Variants in ATF3 observed in about 807,000 individuals in gnomAD.
ATF3 encodes cyclic AMP-dependent transcription factor ATF-3.
ATF3 carries 10 observed loss-of-function variants against 18.4 expected under a neutral mutation model. The ratio of observed to expected loss-of-function variants is 0.54; its 90% CI spans 0.34 to 0.92. The LOEUF (loss-of-function observed/expected upper bound fraction) is 0.92. Among genes scored for constraint, ATF3 ranks in the 40% least tolerant of loss-of-function variants. The probability of loss-of-function intolerance (pLI) is 0.02; values close to 1 mark genes in which losing one functional copy is unlikely to be tolerated. For synonymous variants in ATF3, 78 were observed against 87.9 expected, an observed-to-expected ratio of 0.89 and a Z score of 0.63; for missense variants, 183 against 222.3, an observed-to-expected ratio of 0.82 and a Z score of 1.12.
intron 1 of ATF3, among the ~76,000 whole-genome samples, chr1:212,579,201 G>A (rs896187628): frequency 2.0e-5 from 3 of 151,640 alleles, no homozygotes; most frequent in Non-Finnish European, 2.9e-5. Flanking sequence ...TAGTAGAGAC[G>A]GGGTTTCACC....
rs553312800 is a variant in ATF3 at position 212,619,317 on chromosome 1, C to T, written c.349-41C>T. 8.3e-5 allele frequency: 134 copies of T among 1,612,282 alleles called. 1 individual carries two copies. The South Asian group carries it at 1.3e-3, about 15-fold the overall frequency. The stretch of plus-strand genomic sequence containing the variant: ...CCCAGGCCACCCCCTCCTCACTGGC[C>T]CTTGGCTCCTTTCTTGATGCCTCTG... On this transcript the variant is annotated intron_variant, in intron 3 of 3. Coordinates refer to ENST00000341491, the MANE Select transcript of ATF3 (RefSeq NM_001674.4). The surrounding 1 kb of genome is among the most constrained non-coding windows in gnomAD (Gnocchi z 4.4).
intron 1 of ATF3, among the ~76,000 whole-genome samples, chr1:212,609,871 C>T (rs1450371297): frequency 6.6e-6 from 1 of 152,066 alleles, no homozygotes; most frequent in Non-Finnish European, 1.5e-5. Context: ...AATAAGGGCA[C>T]ATGGGCAGTA....
chr1:212,584,464 C>G (rs1320320765), intron 1 of ATF3, among the ~76,000 whole-genome samples: 1 of 152,092 alleles, frequency 6.6e-6, no homozygotes, highest in Non-Finnish European at 1.5e-5. Context: ...GCTGATGTTT[C>G]AATTCAAGTC....
intron 1 of ATF3, among the ~76,000 whole-genome samples, chr1:212,590,499 C>T (rs1402055762): frequency 6.6e-6 from 1 of 151,978 alleles, no homozygotes; most frequent in Non-Finnish European, 1.5e-5. Flanking sequence ...TAAAAGAGGT[C>T]GTTAAAGGTA....
intron 1 of ATF3, among the ~76,000 whole-genome samples, chr1:212,576,716 CT>C (rs761124416): frequency 1.3e-5 from 1 of 78,248 alleles, no homozygotes; most frequent in African/African-American, 5.1e-5. Flanking sequence ...CTTTTCTTTT[CT>C]TTTCTTTTTT....
chr1:212,567,538 T>C (rs1173257324), intron 1 of ATF3, among the ~76,000 whole-genome samples: 3 of 152,230 alleles, frequency 2.0e-5, no homozygotes, highest in Non-Finnish European at 4.4e-5. Flanking sequence ...CATTGTTATC[T>C]GAATGCCTTG....
chr1:212,620,021 T>G lies in ATF3; in HGVS notation c.*466T>G. ...GTTGTGCAACGGCCAGGGTTGTGCT[T>G]TCTAGCAAATATGCTGTTATGTCCA... On this transcript the variant is annotated 3_prime_UTR_variant, in exon 4 of 4. Transcript: ENST00000341491. The G allele has an allele frequency of 4.9e-6, 1 of 205,840 alleles. No homozygotes were observed. Among genetic ancestry groups the G allele is most frequent in the Non-Finnish European group, 1.0e-5 (1 of 99,440 alleles). 12.8% of individuals were successfully genotyped at this position (205,840 alleles called of 1,614,324 possible).
intron 1 of ATF3, among the ~76,000 whole-genome samples, chr1:212,603,469 C>T (rs1426752202): frequency 2.0e-5 from 3 of 152,106 alleles, no homozygotes; most frequent in East Asian, 1.9e-4. Context: ...ATATATATGC[C>T]GTGTGTAGCA....
In ATF3 at chr1:212,619,324, TC is replaced by T. The variant is rs1655270289; in HGVS notation, c.349-32del. 1 of 1,612,468 alleles carries T rather than the reference TC, an allele frequency of 6.2e-7. No homozygotes were observed. On this transcript the variant is annotated intron_variant, in intron 3 of 3. Coordinates refer to ENST00000341491, the MANE Select transcript of ATF3 (RefSeq NM_001674.4). The surrounding 1 kb of genome is among the most constrained non-coding windows in gnomAD (Gnocchi z 4.4). ...CACCCCCTCCTCACTGGCCCTTGGC[TC>T]CTTTCTTGATGCCTCTGTTGCTTGT...
In ATF3 at chr1:212,619,875, C is replaced by T. The variant is rs1418425181; in HGVS notation, c.*320C>T. 1 of 335,474 alleles carries T rather than the reference C, an allele frequency of 3.0e-6. No homozygotes were observed. 20.8% of individuals were successfully genotyped at this position (335,474 alleles called of 1,614,324 possible). On this transcript the variant is annotated 3_prime_UTR_variant, in exon 4 of 4. Transcript: ENST00000341491. The surrounding 1 kb of genome is among the most constrained non-coding windows in gnomAD (Gnocchi z 4.4). ...TGGATTCTACAAAAAACCAGGATGC[C>T]CACCGTTAGGATTCAGGCAGCAGTG...
intron 1 of ATF3, among the ~76,000 whole-genome samples, chr1:212,586,228 G>A (rs2102630312): frequency 6.6e-6 from 1 of 152,288 alleles, no homozygotes; most frequent in East Asian, 1.9e-4. Context: ...TCCCTAATTT[G>A]TCATGAAGTT....
At chr1:212,608,076 G>C (rs1366037874), upstream of ATF3, among the ~76,000 whole-genome samples, 1 of 152,176 alleles carries the variant, frequency 6.6e-6, no homozygotes, top group Non-Finnish European at 1.5e-5. Context: ...GGCTTCTCGC[G>C]GTCCCCGCCG....
At chr1:212,584,647 C>A (rs909866489) in intron 1 of ATF3, among the ~76,000 whole-genome samples, 1 of 152,304 alleles carries the variant, frequency 6.6e-6, no homozygotes, top group Non-Finnish European at 1.5e-5. Context: ...TAAGGTCACC[C>A]AAAATGCCCT....
chr1:212,570,886 C>T (rs1168514595), intron 1 of ATF3, among the ~76,000 whole-genome samples: 1 of 152,152 alleles, frequency 6.6e-6, no homozygotes, highest in Admixed American at 6.5e-5. Flanking sequence ...CCTAGGCTGT[C>T]CCCAGTTTGG....
chr1:212,619,061 T>C lies in ATF3; in HGVS notation c.349-297T>C. 6.2e-7 allele frequency: 1 copy of C among 1,614,202 alleles called. No individual in the cohort carries two copies. The highest frequency in any genetic ancestry group is 2.2e-5 in the East Asian group (1 of 44,894). ...TTCTCCCCAGCTCCCAAGGCCCTTTTGGGTCCAGAAGACCTGCATATGGGC... is the reference window on the plus strand; with the variant it reads ...TTCTCCCCAGCTCCCAAGGCCCTTTCGGGTCCAGAAGACCTGCATATGGGC... On this transcript the variant is annotated intron_variant, in intron 3 of 3. Transcript: ENST00000341491. The surrounding 1 kb of genome is among the most constrained non-coding windows in gnomAD (Gnocchi z 4.4).
intron 1 of ATF3, among the ~76,000 whole-genome samples, chr1:212,574,583 T>C (rs1271902698): frequency 6.6e-6 from 1 of 152,132 alleles, no homozygotes; most frequent in African/African-American, 2.4e-5. Flanking sequence ...GTATCTTATA[T>C]AAAATATTTC....
chr1:212,575,887 TTTTC>T (rs1664568526), intron 1 of ATF3, among the ~76,000 whole-genome samples: 1 of 152,182 alleles, frequency 6.6e-6, no homozygotes, highest in Non-Finnish European at 1.5e-5. Context: ...GGTCAAGATA[TTTTC>T]TTTAAGATTT....
intron 1 of ATF3, among the ~76,000 whole-genome samples, chr1:212,594,349 T>C (rs1042010171): frequency 1.3e-5 from 2 of 152,200 alleles, no homozygotes; most frequent in African/African-American, 2.4e-5. Flanking sequence ...CTTTTAAAAT[T>C]AAATACAAAT....
At chr1:212,599,310 A>C (rs947730107) in intron 1 of ATF3, among the ~76,000 whole-genome samples, 4 of 152,238 alleles carry the variant, frequency 2.6e-5, no homozygotes, top group African/African-American at 9.6e-5. Flanking sequence ...TCAGTTCTCA[A>C]CTATGTCAGG....
Sources: gnomAD v4.1 joint callset for allele counts (sites outside exome capture counted in the v4.1 genomes callset) on GRCh38, gnomAD v4.1.1 for gene constraint, Gnocchi (gnomAD v3.1) non-coding constraint, MANE v1.5 for transcripts, NCBI Gene and HGNC (gene_info 2026-07-23, HGNC 2026-07-21) for gene names.